The following ZNF7 variants were observed in gnomAD, a reference collection of about 807,000 sequenced individuals.
The protein encoded by ZNF7 is C2-H2 type zinc finger protein.
ZNF7 carries 10 observed loss-of-function variants against 12.0 expected under a neutral mutation model. The observed-to-expected ratio is 0.83, with a 90% CI of 0.51 to 1.42. The LOEUF (loss-of-function observed/expected upper bound fraction) is 1.42, where lower values mean the gene tolerates loss of function less well. ZNF7 is among the 40% of genes most tolerant of loss of function. The pLI is 0.00. For missense variants in ZNF7, 854 were observed against 837.2 expected, an observed-to-expected ratio of 1.02 and a Z score of -0.25; for synonymous variants, 334 against 295.0, an observed-to-expected ratio of 1.13 and a Z score of -1.35.
At chr8:144,840,575 T>G (rs1829758730) in intron 4 of ZNF7, among the ~76,000 whole-genome samples, 1 of 152,196 alleles carries the variant, frequency 6.6e-6, no homozygotes, top group Non-Finnish European at 1.5e-5. Flanking sequence ...ATGTCTGACC[T>G]CAGCAGAGGT....
chr8:144,829,287 G>T (rs1220354876), intron 2 of ZNF7, 191 bp from the exon 3 acceptor site: 1 of 1,533,520 alleles, frequency 6.5e-7, no homozygotes, highest in Admixed American at 2.0e-5. Flanking sequence ...GGGGAGGGTT[G>T]TATGACCACC....
At chr8:144,836,448 G>A (rs967489856) in intron 3 of ZNF7, 3 of 152,174 alleles carry the variant, frequency 2.0e-5, no homozygotes, top group Non-Finnish European at 4.4e-5. Flanking sequence ...GTAGCTAATG[G>A]CATCTAAGCA....
At chr8:144,841,290 T>A in intron 4 of ZNF7, 65 bp from the exon 5 acceptor site, 1 of 1,501,018 alleles carries the variant, frequency 6.7e-7, no homozygotes, top group Non-Finnish European at 8.9e-7. Flanking sequence ...GGCCCCCGCA[T>A]TTGTAGTCTT....
downstream of ZNF7, among the ~76,000 whole-genome samples, chr8:144,845,519 T>G (rs572617812): frequency 6.6e-6 from 1 of 152,302 alleles, no homozygotes; most frequent in Non-Finnish European, 1.5e-5. Flanking sequence ...GATGCTTTTT[T>G]GCTGAAATTG....
intron 4 of ZNF7, chr8:144,841,124 G>A (rs1331881800): frequency 9.6e-6 from 5 of 519,112 alleles, no homozygotes; most frequent in Non-Finnish European, 3.4e-6. Context: ...ACCCAGCCCT[G>A]CCCCAGCAAT....
chr8:144,846,124 C>A (rs1459869882), downstream of ZNF7: 2 of 1,536,410 alleles, frequency 1.3e-6, no homozygotes, highest in East Asian at 2.4e-5. Context: ...TTGGCCACTT[C>A]CTGGTTCATG....
In ZNF7 at chr8:144,842,369, C is replaced by G; in HGVS notation, c.1262C>G (p.Ala421Gly). ...KPFKCDECGK[A>G]FRWISRLSQH... Reference sequence around the variant, plus strand: ...TTTAAGTGTGATGAGTGTGGGAAAGCTTTTAGGTGGATCTCTCGCCTGAGT... The same window carrying G: ...TTTAAGTGTGATGAGTGTGGGAAAGGTTTTAGGTGGATCTCTCGCCTGAGT... The change falls in exon 5 of 5, where the codon GCT becomes GGT. Residue 421 changes from alanine to glycine, a missense_variant. Transcript: ENST00000532777. 6.2e-7 allele frequency: 1 copy of G among 1,614,048 alleles called. No individual in the cohort carries two copies. The highest frequency in any genetic ancestry group is 1.3e-5 in the African/African-American group (1 of 75,062).
At chr8:144,845,741 C>T (rs1003587484), downstream of ZNF7, among the ~76,000 whole-genome samples, 9 of 152,184 alleles carry the variant, frequency 5.9e-5, no homozygotes, top group South Asian at 4.1e-4. Context: ...GGGCTCCTCC[C>T]GGTGTACAAG....
Position 144,842,447 on chromosome 8 carries a change from C to T in ZNF7, c.1340C>T (p.Thr447Ile). ...GEKPYKCNKC[T>I]KAFGCSSRLI... ...AAGCCTTATAAATGCAACAAGTGTA[C>T]AAAAGCCTTTGGTTGTAGTTCACGG... Residue 447 changes from threonine (T) to isoleucine (I), a missense_variant, in exon 5 of 5, where the codon ACA becomes ATA. Transcript: ENST00000532777. The T allele has an allele frequency of 1.9e-6, 3 of 1,613,954 alleles. No individual in the cohort carries two copies. Among genetic ancestry groups the T allele is most frequent in the Non-Finnish European group, 1.7e-6 (2 of 1,179,990 alleles).
chr8:144,837,671 C>T (rs1317214614), intron 4 of ZNF7, among the ~76,000 whole-genome samples, 164 bp downstream of exon 4: 4 of 152,166 alleles, frequency 2.6e-5, no homozygotes, highest in South Asian at 2.1e-4. Context: ...AGCATAGACC[C>T]GTTGTGGGGC....
intron 3 of ZNF7, chr8:144,836,089 T>C (rs1202183357): frequency 6.6e-6 from 1 of 152,270 alleles, no homozygotes; most frequent in Admixed American, 6.5e-5. Flanking sequence ...CATATGCCTA[T>C]AATCTCAGTT....
chr8:144,831,161 C>T (rs1828404958), intron 3 of ZNF7: 6 of 355,900 alleles, frequency 1.7e-5, no homozygotes, highest in South Asian at 1.2e-4. Flanking sequence ...GCTGATGTAC[C>T]AGTAACTGGA....
chr8:144,841,009 A>G (rs554699025), intron 4 of ZNF7: 26 of 236,318 alleles, frequency 1.1e-4, no homozygotes, highest in South Asian at 4.4e-4. Flanking sequence ...CCGCAGCCCA[A>G]TCCGTGGTAG....
Position 144,842,235 on chromosome 8 carries a change from C to T in ZNF7, c.1128C>T (p.Thr376=). 1.2e-6 allele frequency: 2 copies of T among 1,614,054 alleles called. No individual in the cohort carries two copies. Among genetic ancestry groups the T allele is most frequent in the Non-Finnish European group, 1.7e-6 (2 of 1,180,006 alleles). ...ECGKAFSQSS[T]LAQHQRMHTG... is the part of the protein sequence containing the mutation. ...GGAAGGCCTTCAGCCAGAGCTCCACCCTAGCCCAGCATCAAAGGATGCATA... is the reference window on the plus strand; with the variant it reads ...GGAAGGCCTTCAGCCAGAGCTCCACTCTAGCCCAGCATCAAAGGATGCATA... The change falls in exon 5 of 5, where the codon ACC becomes ACT. Residue 376 remains threonine (T), a synonymous_variant. Transcript: ENST00000532777.
rs2130534811 is a variant in ZNF7 at position 144,829,610 on chromosome 8, G to A, written c.130+6G>A. 1 of 1,601,288 alleles carries A rather than the reference G, an allele frequency of 6.2e-7. No homozygotes were observed. Among genetic ancestry groups the A allele is most frequent in the East Asian group, 2.2e-5 (1 of 44,556 alleles). On this transcript the variant is annotated splice_donor_region_variant and intron_variant, in intron 3 of 4. Coordinates refer to ENST00000532777, the MANE Select transcript of ZNF7 (RefSeq NM_003416.4). ...CAGCAGTGTGGCTGGACTAGGTGAG[G>A]CTGCACCTTGGGGCCCCTTCCCCTG... is the stretch of plus-strand genomic sequence containing the variant.
At chr8:144,841,272 T>G (rs943348469) in intron 4 of ZNF7, 83 bp from the exon 5 acceptor site, 25 of 1,416,716 alleles carry the variant, frequency 1.8e-5, no homozygotes, top group Non-Finnish European at 2.4e-5. Context: ...CTGGGAGCCT[T>G]GAGCCCTGGC....
At chr8:144,837,548 G>T (rs767707152) in intron 4 of ZNF7, 41 bp downstream of exon 4, 2 of 1,491,064 alleles carry the variant, frequency 1.3e-6, no homozygotes, top group Admixed American at 3.7e-5. Context: ...CTGGGGTGAG[G>T]AGAAACTGCA....
At chr8:144,830,876 G>A (rs1319288573) in intron 3 of ZNF7, 4 of 456,828 alleles carry the variant, frequency 8.8e-6, no homozygotes, top group African/African-American at 8.0e-5. Context: ...TGGGATTACA[G>A]GTGTGAGCCA....
intron 3 of ZNF7, among the ~76,000 whole-genome samples, chr8:144,832,837 G>C (rs1828595070): frequency 6.6e-6 from 1 of 152,010 alleles, no homozygotes; most frequent in East Asian, 1.9e-4. Flanking sequence ...TTTGTATTGG[G>C]GTTACGTAAA....
Sources: gnomAD v4.1 joint callset for allele counts (sites outside exome capture counted in the v4.1 genomes callset) on GRCh38, gnomAD v4.1.1 for gene constraint, MANE v1.5 for transcripts, NCBI Gene and HGNC (gene_info 2026-07-23, HGNC 2026-07-21) for gene names.